The following CTNNA3 variants were observed in gnomAD, a reference collection of about 807,000 sequenced individuals.
CTNNA3 encodes the protein catenin alpha-3.
In CTNNA3, 76 loss-of-function variants were observed where a neutral mutation model predicts 95.7. That is an observed-to-expected ratio of 0.79 (90% CI 0.66 to 0.96). CTNNA3 has a LOEUF of 0.96. Ranked by LOEUF, CTNNA3 falls within the 40% of genes least tolerant of loss-of-function variation. CTNNA3 has a pLI of 0.00. For synonymous variants in CTNNA3, 431 were observed against 374.4 expected, an observed-to-expected ratio of 1.15 and a Z score of -1.74; for missense variants, 1,191 against 1,089.8, an observed-to-expected ratio of 1.09 and a Z score of -1.31.
intron 7 of CTNNA3, among the ~76,000 whole-genome samples, chr10:66,856,081 A>C (rs980486283): frequency 2.0e-5 from 3 of 151,808 alleles, no homozygotes; most frequent in African/African-American, 7.3e-5. Flanking sequence ...CTCACCCTCC[A>C]CCCTAGAGTA....
chr10:67,168,584 G>A (rs112428508), intron 7 of CTNNA3, among the ~76,000 whole-genome samples: 29 of 151,942 alleles, frequency 1.9e-4, no homozygotes, highest in South Asian at 8.3e-4. Flanking sequence ...TTCAACACCC[G>A]TTCATGTTAA....
intron 10 of CTNNA3, among the ~76,000 whole-genome samples, chr10:66,572,823 T>C (rs1306973521): frequency 2.6e-5 from 4 of 152,178 alleles, no homozygotes; most frequent in Non-Finnish European, 5.9e-5. Flanking sequence ...TCAGGACACA[T>C]GCTTCTTCTG....
intron 15 of CTNNA3, among the ~76,000 whole-genome samples, chr10:66,006,505 T>G (rs1241181221): frequency 6.6e-6 from 1 of 152,124 alleles, no homozygotes; most frequent in Non-Finnish European, 1.5e-5. Context: ...TTCCACACAT[T>G]ACTTCTCTGA....
intron 13 of CTNNA3, among the ~76,000 whole-genome samples, chr10:66,223,336 C>A (rs942989384): frequency 1.3e-5 from 2 of 152,030 alleles, no homozygotes; most frequent in Admixed American, 6.6e-5. Flanking sequence ...AGTATTTGTA[C>A]ATTTGTACAT....
intron 16 of CTNNA3, among the ~76,000 whole-genome samples, chr10:65,976,822 A>G (rs2078215441): frequency 1.3e-5 from 2 of 151,618 alleles, no homozygotes; most frequent in South Asian, 4.2e-4. Flanking sequence ...GGTTACTTGG[A>G]TTTTTTTTCT....
intron 15 of CTNNA3, among the ~76,000 whole-genome samples, chr10:66,033,669 C>T (rs1484126249): frequency 6.6e-6 from 1 of 151,638 alleles, no homozygotes; most frequent in Non-Finnish European, 1.5e-5. Context: ...CTTGTATGTT[C>T]CCTTATGAAG....
intron 1 of CTNNA3, among the ~76,000 whole-genome samples, chr10:67,693,876 G>C (rs1840915017): frequency 1.3e-5 from 2 of 152,096 alleles, no homozygotes; most frequent in African/African-American, 4.8e-5. Context: ...TCCTACCATA[G>C]CCACGCCTAA....
intron 9 of CTNNA3, among the ~76,000 whole-genome samples, chr10:66,761,455 T>C (rs1839594928): frequency 6.6e-6 from 1 of 152,178 alleles, no homozygotes; most frequent in African/African-American, 2.4e-5. Flanking sequence ...AGATCATTAA[T>C]ACTGTCATAT....
At chr10:66,822,365 G>T (rs1020375800) in intron 7 of CTNNA3, among the ~76,000 whole-genome samples, 1 of 152,072 alleles carries the variant, frequency 6.6e-6, no homozygotes, top group Non-Finnish European at 1.5e-5. Context: ...CAGTGTCCCA[G>T]GGAGCCGCTA....
Position 66,651,678 on chromosome 10 carries a change from C to T in CTNNA3, c.1282-29894G>A, listed in dbSNP as rs534399040. Among the ~76,000 whole-genome samples the T allele has an allele frequency of 2.0e-3, 263 of 129,944 alleles. 1 individual carries two copies. The highest frequency in any genetic ancestry group is 4.3e-3 in the Middle Eastern group (1 of 232). The allele number at this position is 129,944 out of a possible 152,430, so 85.2% of individuals were successfully genotyped here. On this transcript the variant is annotated intron_variant, in intron 9 of 17. Transcript: ENST00000433211. ...CGCCGGCCGGCACTGCTGGGGGACC[C>T]AGCGCACCCTCTGCACCTGCTGGCC...
In CTNNA3 at chr10:65,914,559, A is replaced by G. The variant is rs1204351022; in HGVS notation, c.*5771T>C. 1 of 152,200 alleles carries G rather than the reference A, an allele frequency of 6.6e-6. No homozygotes were observed. The highest frequency in any genetic ancestry group is 1.5e-5 in the Non-Finnish European group (1 of 68,026). The allele number at this position is 152,200 out of a possible 1,614,324, so 9.4% of individuals were successfully genotyped here. ...AAGATGTATTTGCTACAGTTTGGGT[A>G]AATTTCAAATACAGGGAAACTTTAT... On this transcript the variant is annotated 3_prime_UTR_variant, in exon 18 of 18. Transcript: ENST00000433211.
chr10:66,087,379 A>C (rs2081026293), intron 14 of CTNNA3, among the ~76,000 whole-genome samples: 1 of 152,086 alleles, frequency 6.6e-6, no homozygotes, highest in Non-Finnish European at 1.5e-5. Flanking sequence ...ATCGCGAGAC[A>C]ACAAACTTTG....
chr10:66,710,786 GAATT>G (rs2132604416), intron 9 of CTNNA3, among the ~76,000 whole-genome samples: 1 of 151,964 alleles, frequency 6.6e-6, no homozygotes, highest in South Asian at 2.1e-4. Context: ...TTTGAGGAAA[GAATT>G]AAACTCTGAG....
At chr10:67,088,075 G>A (rs1413223832) in intron 7 of CTNNA3, among the ~76,000 whole-genome samples, 1 of 151,780 alleles carries the variant, frequency 6.6e-6, no homozygotes, top group African/African-American at 2.4e-5. Context: ...GAGAAAGAAA[G>A]CAAGAACAAG....
At chr10:66,461,664 G>T (rs2093529993) in intron 11 of CTNNA3, among the ~76,000 whole-genome samples, 1 of 144,062 alleles carries the variant, frequency 6.9e-6, no homozygotes, top group Non-Finnish European at 1.5e-5. Context: ...GCTTCAGTTT[G>T]CACTCACGTT....
chr10:65,980,570 G>T (rs1188424394), intron 16 of CTNNA3, among the ~76,000 whole-genome samples: 1 of 149,388 alleles, frequency 6.7e-6, no homozygotes, highest in Non-Finnish European at 1.5e-5. Flanking sequence ...TATCCCTAAT[G>T]AAAATAGATG....
intron 2 of CTNNA3, among the ~76,000 whole-genome samples, chr10:67,619,596 T>C (rs961459346): frequency 3.3e-5 from 5 of 152,200 alleles, no homozygotes; most frequent in African/African-American, 1.2e-4. Context: ...ATAGACTAGA[T>C]CACAGTTTTA....
chr10:67,128,444 T>G (rs924050053), intron 7 of CTNNA3, among the ~76,000 whole-genome samples: 3 of 152,154 alleles, frequency 2.0e-5, no homozygotes, highest in African/African-American at 4.8e-5. Context: ...GATCCTTTTT[T>G]TTTTAAAGAA....
chr10:67,096,259 G>A (rs1426746691), intron 7 of CTNNA3, among the ~76,000 whole-genome samples: 1 of 151,574 alleles, frequency 6.6e-6, no homozygotes, highest in Non-Finnish European at 1.5e-5. Flanking sequence ...TTTGCTCCAG[G>A]AATTTTCACT....
Sources: allele counts gnomAD v4.1 joint callset (sites outside exome capture counted in the v4.1 genomes callset), GRCh38; gene constraint gnomAD v4.1.1; transcripts MANE v1.5; gene names NCBI Gene and HGNC (gene_info 2026-07-23, HGNC 2026-07-21).